VSIG4: variants seen among roughly 807,000 people sequenced by gnomAD.
The protein encoded by VSIG4 is V-set and immunoglobulin domain containing 4, also known as V-set and immunoglobulin domain-containing protein 4.
Under a neutral mutation model 23.4 loss-of-function variants are expected in VSIG4, and 34 were observed. The observed-to-expected ratio is 1.45, with a 90% CI of 1.10 to 1.93. The LOEUF (loss-of-function observed/expected upper bound fraction) is 1.93. Ranked by LOEUF, VSIG4 falls within the 30% of genes most tolerant of loss-of-function variation. The pLI is 0.00. For missense variants in VSIG4, 433 were observed against 310.8 expected (o/e 1.39, Z -2.96); for synonymous variants, 169 against 120.3 (o/e 1.41, Z -2.65).
chrX:66,027,363 C>T (rs2085403485), intron 5 of VSIG4, 86 bp downstream of exon 5: 1 of 820,320 alleles, frequency 1.2e-6, no homozygotes, highest in Non-Finnish European at 1.8e-6. Flanking sequence ...GATTTCAATG[C>T]TGTAGAACAG....
chrX:66,028,859 C>A (rs1401503137), intron 3 of VSIG4, among the ~76,000 whole-genome samples: 2 of 110,926 alleles, frequency 1.8e-5, no homozygotes, highest in Non-Finnish European at 3.8e-5. Context: ...TATTGGTCAC[C>A]CAGTGCTAAG....
rs758872259 is a variant in VSIG4, at chrX:66,027,538, G to A, written c.758-12C>T. The stretch of plus-strand genomic sequence containing the variant: ...CACTGTAGATGTTGCTATGAATATA[G>A]AGAATAGGGTCAGAGATGTCTCTCT... On this transcript the variant is annotated splice_polypyrimidine_tract_variant and intron_variant, in intron 4 of 7. Coordinates refer to ENST00000374737, the MANE Select transcript of VSIG4 (RefSeq NM_007268.3). The A allele has an allele frequency of 8.6e-7, 1 of 1,162,384 alleles. No individual in the cohort carries two copies. Among genetic ancestry groups the A allele is most frequent in the Non-Finnish European group, 1.2e-6 (1 of 857,405 alleles).
At chrX:66,026,468 C>T (rs2147657944) in intron 5 of VSIG4, among the ~76,000 whole-genome samples, 1 of 111,982 alleles carries the variant, frequency 8.9e-6, no homozygotes, top group African/African-American at 3.2e-5. Context: ...AACCAACTCC[C>T]TATGAGGCAA....
intron 3 of VSIG4, among the ~76,000 whole-genome samples, chrX:66,030,638 A>G (rs2085453799): frequency 9.0e-6 from 1 of 110,597 alleles, no homozygotes; most frequent in African/African-American, 3.3e-5. Flanking sequence ...GAGGGTCTGG[A>G]CCTTCTTACA....
At chrX:66,031,752 T>C (rs2085466560) in intron 3 of VSIG4, among the ~76,000 whole-genome samples, 2 of 111,477 alleles carry the variant, frequency 1.8e-5, no homozygotes, top group Admixed American at 9.5e-5. Context: ...AGTCTTTATA[T>C]GCATAGTTTG....
chrX:66,032,797 T>A (rs768186933), intron 2 of VSIG4, 48 bp from the exon 3 acceptor site: 3 of 1,161,124 alleles, frequency 2.6e-6, no homozygotes, highest in African/African-American at 3.6e-5. Flanking sequence ...CATAAGGATA[T>A]GGGACCAAAA....
intron 5 of VSIG4, among the ~76,000 whole-genome samples, 195 bp from the exon 6 acceptor site, chrX:66,025,324 AGGTTCTTCCAGACTCACT>A (rs1272222050): frequency 2.7e-5 from 3 of 112,254 alleles, no homozygotes; most frequent in Non-Finnish European, 5.6e-5. Flanking sequence ...ATGTGTAAAC[AGGTTCTTCCAGACTCACT>A]GGTGGGCTGA....
rs1429223777 is a variant in VSIG4 at position 66,032,577 on chromosome X, G to C, written c.585C>G (p.Thr195=). The change falls in exon 3 of 8, where the codon ACC becomes ACG. Residue 195 remains threonine, a synonymous_variant. Transcript: ENST00000374737. ...CTATCACCGCAGGCTTGAAGAGTAA[G>C]GTACTTAGGGTTGCTACTTTGATGG... The part of the protein sequence containing the change: ...QEPIKVATLS[T]LLFKPAVIAD... 8.3e-7 allele frequency: 1 copy of C among 1,211,420 alleles called. No individual in the cohort carries two copies.
intron 5 of VSIG4, among the ~76,000 whole-genome samples, chrX:66,025,396 C>G (rs1191406847): frequency 9.0e-6 from 1 of 111,583 alleles, no homozygotes; most frequent in African/African-American, 3.3e-5. Flanking sequence ...TTCTATAGGG[C>G]CAAGACAGAA....
Position 66,033,596 on chromosome X carries a change from G to C in VSIG4, c.290C>G (p.Ser97Cys). Residue 97 changes from serine to cysteine, a missense_variant, in exon 2 of 8, where the codon TCC becomes TGC. Transcript: ENST00000374737. ...CATCTCCAGGGTGCTCAATTGGAGG[G>C]ATACATCTCCTGGAACCTTGTGGCT... The part of the protein sequence containing the change: ...HVSHKVPGDV[S>C]LQLSTLEMDD... The C allele has an allele frequency of 8.3e-7, 1 of 1,211,467 alleles. No individual in the cohort carries two copies. The highest frequency in any genetic ancestry group is 1.1e-6 in the Non-Finnish European group (1 of 895,372).
intron 7 of VSIG4, 70 bp from the exon 8 acceptor site, chrX:66,022,570 C>A: frequency 8.5e-7 from 1 of 1,174,807 alleles, no homozygotes; most frequent in African/African-American, 1.8e-5. Context: ...CACCCTTCTG[C>A]CTCAATTCTT....
chrX:66,034,818 C>A (rs1326270639), intron 1 of VSIG4, among the ~76,000 whole-genome samples: 2 of 108,423 alleles, frequency 1.8e-5, no homozygotes, highest in Admixed American at 2.0e-4. Context: ...CATTGCCTCC[C>A]ATCAGAATTT....
Position 66,022,931 on chromosome X carries a change from G to A in VSIG4, c.941-69C>T, listed in dbSNP as rs1337582853. On this transcript the variant is annotated intron_variant, in intron 6 of 7. Coordinates refer to ENST00000374737, the MANE Select transcript of VSIG4 (RefSeq NM_007268.3). ...TGGACAAAGGTCAATCATGGATCCT[G>A]GGTACCAGTCAAAAGATGAGGGAAG... 8.1e-6 allele frequency: 9 copies of A among 1,115,478 alleles called. No homozygotes were observed. The Admixed American group carries it at 2.0e-4, about 25-fold the overall frequency. The allele number at this position is 1,115,478 out of a possible 1,213,427, so 91.9% of individuals were successfully genotyped here.
At chrX:66,035,904 C>A (rs1295113191) in intron 1 of VSIG4, among the ~76,000 whole-genome samples, 2 of 112,086 alleles carry the variant, frequency 1.8e-5, no homozygotes, top group Admixed American at 9.5e-5. Context: ...TCCTTCTGAC[C>A]TTAGGGGAGC....
chrX:66,031,183 G>A (rs906971721), intron 3 of VSIG4, among the ~76,000 whole-genome samples: 105 of 111,532 alleles, frequency 9.4e-4, no homozygotes, highest in African/African-American at 3.4e-3. Flanking sequence ...ATAAACAGGA[G>A]GGTTTACTGT....
At chrX:66,036,827 A>G (rs1289367945) in intron 1 of VSIG4, among the ~76,000 whole-genome samples, 5 of 37,230 alleles carry the variant, frequency 1.3e-4, no homozygotes, top group African/African-American at 6.2e-4. Flanking sequence ...ATTATTATAT[A>G]TATAATATGT....
intron 3 of VSIG4, among the ~76,000 whole-genome samples, chrX:66,028,330 G>T (rs571577609): frequency 2.2e-4 from 24 of 111,252 alleles, no homozygotes; most frequent in African/African-American, 7.5e-4. Context: ...GATCTCGAAG[G>T]AACCTGTAGC....
intron 3 of VSIG4, among the ~76,000 whole-genome samples, chrX:66,029,911 G>A (rs1487987133): frequency 5.4e-5 from 6 of 111,639 alleles, no homozygotes; most frequent in African/African-American, 9.8e-5. Flanking sequence ...TAATATTATG[G>A]TTGGAGAGTC....
At chrX:66,037,507 TATA>T (rs765266387) in intron 1 of VSIG4, among the ~76,000 whole-genome samples, 957 of 67,024 alleles carry the variant, frequency 0.014, 10 homozygotes, top group African/African-American at 0.02. Flanking sequence ...ATATATATTA[TATA>T]ATAATAATAT....
Sources: allele counts gnomAD v4.1 joint callset (sites outside exome capture counted in the v4.1 genomes callset), GRCh38; gene constraint gnomAD v4.1.1; transcripts MANE v1.5; gene names NCBI Gene and HGNC (gene_info 2026-07-23, HGNC 2026-07-21).